Variants in DCP2 observed in about 807,000 individuals in gnomAD.
The protein encoded by DCP2 is decapping mRNA 2.
Under a neutral mutation model 56.1 loss-of-function variants are expected in DCP2, and 30 were observed. The ratio of observed to expected loss-of-function variants is 0.53; its 90% CI spans 0.40 to 0.73. The LOEUF (loss-of-function observed/expected upper bound fraction) is 0.73, where lower values mean the gene tolerates loss of function less well. DCP2 is among the 30% of genes least tolerant of loss of function. The pLI is 0.00. For missense variants in DCP2, 533 were observed against 502.7 expected (o/e 1.06, Z -0.58); for synonymous variants, 197 against 163.3 (o/e 1.21, Z -1.57).
In DCP2 at chr5:113,013,442, C is replaced by G; in HGVS notation, c.1221C>G (p.Phe407Leu). Residue 407 changes from phenylalanine to leucine, a missense_variant, in exon 11 of 11, where the codon TTC becomes TTG. Phe to Leu is a conservative substitution (Grantham distance 22). Transcript: ENST00000389063. ...TTTCATCCAGAGCCTTTTTGAGTTT[C>G]AAGTTTGACCATAATGCTATAATGA... ...FPFSSRAFLS[F>L]KFDHNAIMKI... The G allele has an allele frequency of 1.9e-6, 3 of 1,614,064 alleles. No individual in the cohort carries two copies. Among genetic ancestry groups the G allele is most frequent in the Non-Finnish European group, 2.5e-6 (3 of 1,179,962 alleles).
chr5:113,005,958 C>T (rs566447916), intron 8 of DCP2, among the ~76,000 whole-genome samples: 1 of 151,910 alleles, frequency 6.6e-6, no homozygotes. Flanking sequence ...CATGTCTCTA[C>T]TACTAAAAAT....
intron 9 of DCP2, among the ~76,000 whole-genome samples, chr5:113,008,680 G>A (rs1749548631): frequency 6.6e-6 from 1 of 151,772 alleles, no homozygotes; most frequent in Non-Finnish European, 1.5e-5. Flanking sequence ...GAATTCCCTG[G>A]GTATTTACTT....
At chr5:113,004,718 A>G (rs1297636128) in intron 8 of DCP2, among the ~76,000 whole-genome samples, 3 of 152,036 alleles carry the variant, frequency 2.0e-5, no homozygotes, top group African/African-American at 4.8e-5. Context: ...CAAGTTATTT[A>G]TATCCTCAGC....
intron 4 of DCP2, among the ~76,000 whole-genome samples, chr5:112,996,630 A>AC (rs1454824305): frequency 2.6e-5 from 4 of 152,256 alleles, no homozygotes; most frequent in African/African-American, 9.6e-5. Context: ...AGCCTAAAGC[A>AC]GCAGTGGCAG....
At chr5:112,988,883 G>C (rs551927179) in intron 2 of DCP2, among the ~76,000 whole-genome samples, 1 of 152,034 alleles carries the variant, frequency 6.6e-6, no homozygotes, top group African/African-American at 2.4e-5. Context: ...CATACTTTAG[G>C]GTTTTGGATA....
At chr5:112,990,978 A>T (rs912533081) in intron 2 of DCP2, among the ~76,000 whole-genome samples, 1 of 152,186 alleles carries the variant, frequency 6.6e-6, no homozygotes, top group Non-Finnish European at 1.5e-5. Context: ...CTGTACTAAC[A>T]CCACCTTTCT....
At chr5:112,979,508 A>G (rs542676089) in intron 1 of DCP2, among the ~76,000 whole-genome samples, 1 of 152,274 alleles carries the variant, frequency 6.6e-6, no homozygotes, top group Admixed American at 6.5e-5. Context: ...TATGAATTCA[A>G]GCTAGGTGCT....
intron 2 of DCP2, among the ~76,000 whole-genome samples, chr5:112,988,900 T>C (rs1748437834): frequency 6.6e-6 from 1 of 152,228 alleles, no homozygotes. Flanking sequence ...GATAACATTT[T>C]GTGTGTGTTT....
intron 2 of DCP2, among the ~76,000 whole-genome samples, chr5:112,988,035 T>C (rs1055575934): frequency 3.3e-5 from 5 of 152,182 alleles, no homozygotes; most frequent in Non-Finnish European, 1.5e-5. Flanking sequence ...ACCCTCATTC[T>C]CAGCTACCTA....
chr5:113,005,577 G>A (rs1169200903), intron 8 of DCP2, among the ~76,000 whole-genome samples: 4 of 152,226 alleles, frequency 2.6e-5, no homozygotes, highest in African/African-American at 7.2e-5. Context: ...TGGTGCAACC[G>A]CTGTGGAAAA....
At chr5:112,993,544 TG>T (rs1241975049) in intron 4 of DCP2, among the ~76,000 whole-genome samples, 1 of 149,572 alleles carries the variant, frequency 6.7e-6, no homozygotes, top group Admixed American at 6.8e-5. Context: ...GAGAATCTCT[TG>T]AACTCGGGAG....
In DCP2 at chr5:113,001,213, C is replaced by T; in HGVS notation, c.562C>T (p.Pro188Ser). Residue 188 changes from proline to serine, a missense_variant, in exon 5 of 11, where the codon CCA (proline) becomes TCA (serine). Pro to Ser is a moderately conservative substitution (Grantham distance 74). Transcript: ENST00000389063. ...AATTCCAAAAGACACAAAATTTAAC[C>T]CAAAAACTAGAAGAGAAATTCGGGT... The part of the protein sequence containing the change: ...PGIPKDTKFN[P>S]KTRREIRNIE... 1 of 1,613,052 alleles carries T rather than the reference C, an allele frequency of 6.2e-7. No homozygotes were observed. The highest frequency in any genetic ancestry group is 8.5e-7 in the Non-Finnish European group (1 of 1,179,738).
rs759636558 is a variant in DCP2 at position 113,008,871 on chromosome 5, GTC to G, written c.1047+837_1047+838del. Among the ~76,000 whole-genome samples, 16 of 150,088 alleles carry G rather than the reference GTC, an allele frequency of 1.1e-4. 1 individual carries two copies. The highest frequency in any genetic ancestry group is 1.5e-4 in the Non-Finnish European group (10 of 67,634). On this transcript the variant is annotated intron_variant, in intron 9 of 10. Transcript: ENST00000389063. ...TAACTTTTTTTTTTTTTGAGATTGA[GTC>G]TCTCTCTGTCACCAAGCTGGATTGC...
intron 4 of DCP2, among the ~76,000 whole-genome samples, chr5:112,996,931 A>G (rs1748883950): frequency 6.6e-6 from 1 of 152,252 alleles, no homozygotes; most frequent in Non-Finnish European, 1.5e-5. Flanking sequence ...GAGCATTCCA[A>G]TGGCTGAGCA....
In DCP2 at chr5:113,013,337, G is replaced by C; in HGVS notation, c.1116G>C (p.Leu372Phe). 4 of 1,613,880 alleles carry C rather than the reference G, an allele frequency of 2.5e-6. No individual in the cohort carries two copies. The highest frequency in any genetic ancestry group is 1.3e-5 in the African/African-American group (1 of 75,028). The change falls in exon 11 of 11, where the codon TTG (leucine) becomes TTC (phenylalanine). Residue 372 changes from leucine (L) to phenylalanine (F), a missense_variant. Leu to Phe is a conservative substitution (Grantham distance 22). Around this residue, in one of 3 missense-constraint regions of DCP2, gnomAD observed 392 missense variants for 346.6 expected, o/e 1.13. Coordinates refer to ENST00000389063, the MANE Select transcript of DCP2 (RefSeq NM_152624.6). ...DNFETDAVYD[L>F]PSSSEDQLLE... ...TTTAAACAGATGCTGTATATGACTT[G>C]CCTAGCTCCAGTGAAGACCAGTTGC...
chr5:112,990,842 A>G (rs1024628160), intron 2 of DCP2, among the ~76,000 whole-genome samples: 2 of 152,048 alleles, frequency 1.3e-5, no homozygotes, highest in African/African-American at 2.4e-5. Flanking sequence ...ACAGAATTGT[A>G]GAACATGTAA....
At chr5:113,012,573 A>C (rs1749721914) in intron 10 of DCP2, among the ~76,000 whole-genome samples, 1 of 152,156 alleles carries the variant, frequency 6.6e-6, no homozygotes, top group Non-Finnish European at 1.5e-5. Flanking sequence ...AGGGGGGAAA[A>C]AATCCCAGAT....
At chr5:112,996,999 T>C (rs1422785932) in intron 4 of DCP2, among the ~76,000 whole-genome samples, 5 of 152,148 alleles carry the variant, frequency 3.3e-5, no homozygotes, top group Non-Finnish European at 7.4e-5. Context: ...AAAAACCAAA[T>C]GTACATTGGC....
intron 4 of DCP2, among the ~76,000 whole-genome samples, chr5:112,993,698 C>G (rs2150177559): frequency 6.6e-6 from 1 of 150,470 alleles, no homozygotes; most frequent in South Asian, 2.1e-4. Context: ...AATGTCCTCT[C>G]TTGTTCCTTC....
Sources: gnomAD v4.1 joint callset for allele counts (sites outside exome capture counted in the v4.1 genomes callset) on GRCh38, gnomAD v4.1.1 for gene constraint, gnomAD v4.1.1 regional missense constraint, MANE v1.5 for transcripts, NCBI Gene and HGNC (gene_info 2026-07-23, HGNC 2026-07-21) for gene names.